Variants in TCF20 observed in about 807,000 individuals in gnomAD.
TCF20 encodes SPRE-binding protein.
A neutral mutation model predicts 148.6 loss-of-function variants in TCF20; 3 were observed. The ratio of observed to expected loss-of-function variants is 0.02; its 90% CI spans 0.01 to 0.05. The LOEUF (loss-of-function observed/expected upper bound fraction) is 0.05. Among genes scored for constraint, TCF20 ranks in the 10% least tolerant of loss-of-function variants. The pLI is 1.00. For synonymous variants in TCF20, 1,049 were observed against 909.5 expected (o/e 1.15, Z -2.76); for missense variants, 2,350 against 2,429.3 (o/e 0.97, Z 0.69).
intron 1 of TCF20, among the ~76,000 whole-genome samples, chr22:42,219,994 C>A (rs1028578029): frequency 6.6e-6 from 1 of 152,214 alleles, no homozygotes; most frequent in Non-Finnish European, 1.5e-5. Context: ...GTCCAGAACT[C>A]TGTGCCTAAA....
intron 2 of TCF20, among the ~76,000 whole-genome samples, chr22:42,203,183 A>G (rs1248927644): frequency 6.6e-6 from 1 of 152,060 alleles, no homozygotes; most frequent in Non-Finnish European, 1.5e-5. Flanking sequence ...CTAGGTCATT[A>G]AGACTGGCTA....
rs971342615 is a variant in TCF20 at position 42,323,498 on chromosome 22, T to G, written c.-37+19981A>C. Among the ~76,000 whole-genome samples, 7 of 151,622 alleles carry G rather than the reference T, an allele frequency of 4.6e-5. 1 individual carries two copies. The highest frequency in any genetic ancestry group is 3.3e-4 in the Admixed American group (5 of 15,200). Reference sequence around the variant, plus strand: ...GGTGGAAGAGATGGGAGTGCTACTCTCGGTCATCCAGGGGTGGTCTCTAGG... The same window carrying G: ...GGTGGAAGAGATGGGAGTGCTACTCGCGGTCATCCAGGGGTGGTCTCTAGG... On this transcript the variant is annotated intron_variant, in intron 1 of 1. Coordinates refer to the TCF20 transcript ENST00000515426.
chr22:42,330,455 C>T (rs996965095), intron 1 of TCF20, among the ~76,000 whole-genome samples: 2 of 152,156 alleles, frequency 1.3e-5, no homozygotes, highest in Non-Finnish European at 2.9e-5. Flanking sequence ...TGTCTCTCCC[C>T]TGCTGGTTGT....
At chr22:42,222,178 A>G (rs566163012) in intron 1 of TCF20, among the ~76,000 whole-genome samples, 7 of 152,204 alleles carry the variant, frequency 4.6e-5, no homozygotes, top group Non-Finnish European at 1.0e-4. Context: ...ATTTATTATT[A>G]GGCAGTAACT....
chr22:42,160,303 T>C lies in TCF20; in HGVS notation c.*1100A>G, dbSNP rs558383732. ...CAGGTCCTCTTTTCCTTTATAAAAA[T>C]GAAAGCAAAAAGAAAAAGGGGTTAA... On this transcript the variant is annotated 3_prime_UTR_variant, in exon 6 of 6. Coordinates refer to ENST00000677622, the MANE Select transcript of TCF20 (RefSeq NM_001378418.1). The C allele has an allele frequency of 6.5e-6, 1 of 152,678 alleles. No homozygotes were observed. The highest frequency in any genetic ancestry group is 2.4e-5 in the African/African-American group (1 of 41,540). The allele number at this position is 152,678 out of a possible 1,614,324, so 9.5% of individuals were successfully genotyped here.
chr22:42,334,023 A>G (rs1601710489), intron 1 of TCF20, among the ~76,000 whole-genome samples: 2 of 152,190 alleles, frequency 1.3e-5, no homozygotes, highest in East Asian at 3.9e-4. Flanking sequence ...AGGTGACTCA[A>G]CATAATGGTA....
intron 5 of TCF20, among the ~76,000 whole-genome samples, chr22:42,163,129 T>C (rs562605220): frequency 2.6e-5 from 4 of 152,300 alleles, no homozygotes; most frequent in African/African-American, 9.6e-5. Flanking sequence ...TCTTTACCAA[T>C]ACACAGCAGT....
chr22:42,178,969 GC>G (rs1027568020), intron 3 of TCF20, among the ~76,000 whole-genome samples: 10 of 150,676 alleles, frequency 6.6e-5, no homozygotes, highest in Non-Finnish European at 8.8e-5. Context: ...CTCGACATTA[GC>G]CATCAGGGAA....
intron 1 of TCF20, among the ~76,000 whole-genome samples, chr22:42,236,265 C>T (rs922278844): frequency 5.9e-5 from 9 of 151,952 alleles, no homozygotes; most frequent in Non-Finnish European, 1.3e-4. Flanking sequence ...ACAAAATAAA[C>T]CCTAAAAAAC....
At chr22:42,241,301 G>A (rs1276390301) in intron 1 of TCF20, among the ~76,000 whole-genome samples, 1 of 152,204 alleles carries the variant, frequency 6.6e-6, no homozygotes, top group Non-Finnish European at 1.5e-5. Flanking sequence ...AAAGTACCAT[G>A]AGTAAGAACC....
rs1255817806 is a variant in TCF20 at position 42,209,998 on chromosome 22, G to C, written c.5308C>G (p.Gln1770Glu). Residue 1770 changes from glutamine (Q) to glutamate (E), a missense_variant, in exon 2 of 6, where the codon CAG becomes GAG. Transcript: ENST00000677622. Reference protein sequence around the residue: ...SKTDTEEEEEQQQQQKEQRSL... With the variant: ...SKTDTEEEEEEQQQQKEQRSL... Reference sequence around the variant, plus strand: ...CTCTGCTCCTTCTGCTGCTGCTGCTGCTCTTCCTCCTCCTCAGTGTCCGTC... The same window carrying C: ...CTCTGCTCCTTCTGCTGCTGCTGCTCCTCTTCCTCCTCCTCAGTGTCCGTC... The C allele has an allele frequency of 6.2e-7, 1 of 1,612,778 alleles. No individual in the cohort carries two copies. The highest frequency in any genetic ancestry group is 1.3e-5 in the African/African-American group (1 of 74,920).
Position 42,169,831 on chromosome 22 carries a change from G to A in TCF20, c.5799+16C>T. 1 of 1,613,256 alleles carries A rather than the reference G, an allele frequency of 6.2e-7. No individual in the cohort carries two copies. The highest frequency in any genetic ancestry group is 8.5e-7 in the Non-Finnish European group (1 of 1,179,872). On this transcript the variant is annotated intron_variant, in intron 4 of 5. Coordinates refer to ENST00000677622, the MANE Select transcript of TCF20 (RefSeq NM_001378418.1). Reference sequence around the variant, plus strand: ...GATCCCATCCCTGCTGGTAGCTCTTGGGGCCTCTGACTCACCTTGTGCTTA... The same window carrying A: ...GATCCCATCCCTGCTGGTAGCTCTTAGGGCCTCTGACTCACCTTGTGCTTA...
chr22:42,199,706 C>CAAAA (rs59845847), intron 2 of TCF20, among the ~76,000 whole-genome samples: 1,416 of 33,824 alleles, frequency 0.042, 211 homozygotes, highest in Middle Eastern at 0.068. Context: ...CCCATCTCTA[C>CAAAA]AAAAAAAAAA....
In TCF20 at chr22:42,160,811, T is replaced by C. The variant is rs1935398706; in HGVS notation, c.*592A>G. ...TAATGACAAAAGGATGGTTCTGCTG[T>C]GGTTTGCTTTTTCAATCCTGGGTCT... On this transcript the variant is annotated 3_prime_UTR_variant, in exon 6 of 6. Coordinates refer to ENST00000677622, the MANE Select transcript of TCF20 (RefSeq NM_001378418.1). The C allele has an allele frequency of 6.6e-6, 1 of 152,078 alleles. No homozygotes were observed. The highest frequency in any genetic ancestry group is 2.1e-4 in the South Asian group (1 of 4,818). The allele number at this position is 152,078 out of a possible 1,614,324, so 9.4% of individuals were successfully genotyped here.
At chr22:42,178,585 C>CTTTT (rs71184870) in intron 3 of TCF20, among the ~76,000 whole-genome samples, 10 of 78,420 alleles carry the variant, frequency 1.3e-4, no homozygotes, top group South Asian at 4.8e-4. Context: ...ACAAATAATT[C>CTTTT]TTTTTTTTTT....
Position 42,210,423 on chromosome 22 carries a change from T to C in TCF20, c.4883A>G (p.Asn1628Ser). The part of the protein sequence containing the change: ...TQPLDKTDAK[N>S]KSFYPYIHVV... Reference sequence around the variant, plus strand: ...ATGGATGTAAGGGTAAAAAGACTTGTTCTTGGCATCAGTTTTATCCAGTGG... The same window carrying C: ...ATGGATGTAAGGGTAAAAAGACTTGCTCTTGGCATCAGTTTTATCCAGTGG... Residue 1628 changes from asparagine (N) to serine (S), a missense_variant, in exon 2 of 6, where the codon AAC (asparagine) becomes AGC (serine). Asn to Ser is a conservative substitution (Grantham distance 46, BLOSUM62 1). Around this residue, in one of 7 missense-constraint regions of TCF20, gnomAD observed 374 missense variants for 398.3 expected, o/e 0.94. Coordinates refer to ENST00000677622, the MANE Select transcript of TCF20 (RefSeq NM_001378418.1). This position sits in a 1 kb window ranked among gnomAD's most constrained non-coding sequence, Gnocchi z 4.7. 6.2e-7 allele frequency: 1 copy of C among 1,614,240 alleles called. No individual in the cohort carries two copies. Among genetic ancestry groups the C allele is most frequent in the South Asian group, 1.1e-5 (1 of 91,088 alleles).
chr22:42,320,652 C>T (rs1434222670), intron 1 of TCF20, among the ~76,000 whole-genome samples: 4 of 152,248 alleles, frequency 2.6e-5, no homozygotes, highest in African/African-American at 9.6e-5. Context: ...AGGTGCTCAA[C>T]ACGTGTGAGG....
At chr22:42,335,754 G>T (rs1161703041) in intron 1 of TCF20, among the ~76,000 whole-genome samples, 1 of 152,184 alleles carries the variant, frequency 6.6e-6, no homozygotes, top group Non-Finnish European at 1.5e-5. Context: ...CAGGACGTGA[G>T]ACTAGGGAGC....
chr22:42,342,479 C>T (rs911323804), intron 1 of TCF20, among the ~76,000 whole-genome samples: 2 of 152,162 alleles, frequency 1.3e-5, no homozygotes, highest in Non-Finnish European at 2.9e-5. Flanking sequence ...AATGTTGGCC[C>T]GGGTTCAAAA....
Sources: gnomAD v4.1 joint callset for allele counts (sites outside exome capture counted in the v4.1 genomes callset) on GRCh38, gnomAD v4.1.1 for gene constraint, gnomAD v4.1.1 regional missense constraint, Gnocchi (gnomAD v3.1) non-coding constraint, MANE v1.5 for transcripts, NCBI Gene and HGNC (gene_info 2026-07-23, HGNC 2026-07-21) for gene names.